Variants in MGST2 observed in about 807,000 individuals in gnomAD.
MGST2 encodes the protein glutathione peroxidase MGST2.
Under a neutral mutation model 16.6 loss-of-function variants are expected in MGST2, and 9 were observed. The observed-to-expected ratio is 0.54, with a 90% confidence interval of 0.33 to 0.95. MGST2 has a LOEUF of 0.95. Ranked by LOEUF, MGST2 falls within the 40% of genes least tolerant of loss-of-function variation. The pLI is 0.03. For missense variants in MGST2, 159 were observed against 175.1 expected, an observed-to-expected ratio of 0.91 and a Z score of 0.52; for synonymous variants, 79 against 68.0, an observed-to-expected ratio of 1.16 and a Z score of -0.79.
intron 2 of MGST2, among the ~76,000 whole-genome samples, chr4:139,683,381 T>A (rs1339635882): frequency 6.6e-6 from 1 of 152,168 alleles, no homozygotes; most frequent in Non-Finnish European, 1.5e-5. Flanking sequence ...GGCCTTGCGA[T>A]GATCTGAGAT....
intron 5 of MGST2, chr4:139,719,351 T>C (rs1579354216): frequency 6.2e-7 from 1 of 1,602,614 alleles, no homozygotes; most frequent in East Asian, 2.2e-5. Context: ...TTCATCAAGC[T>C]CCTGCATCCA....
chr4:139,725,711 A>G lies in MGST2; in HGVS notation c.*49-14501A>G, dbSNP rs748296908. 1.9e-6 allele frequency: 3 copies of G among 1,585,152 alleles called. No individual in the cohort carries two copies. In the African/African-American group the frequency reaches 4.0e-5, roughly 21 times the overall value. ...GCTACACATTCACTTACGCTTCACCACTGGAAGGTATAAAATGAGAGAGGT... is the reference window on the plus strand; with the variant it reads ...GCTACACATTCACTTACGCTTCACCGCTGGAAGGTATAAAATGAGAGAGGT... On this transcript the variant is annotated intron_variant, in intron 5 of 5. Coordinates refer to the MGST2 transcript ENST00000616265.
At chr4:139,729,329 C>T (rs1361853252) in intron 5 of MGST2, among the ~76,000 whole-genome samples, 2 of 152,082 alleles carry the variant, frequency 1.3e-5, no homozygotes, top group African/African-American at 4.8e-5. Flanking sequence ...AGTAAATTTG[C>T]AAAATTCTGG....
chr4:139,679,819 A>C (rs934815665), intron 2 of MGST2, among the ~76,000 whole-genome samples: 3 of 152,200 alleles, frequency 2.0e-5, no homozygotes, highest in Admixed American at 2.0e-4. Context: ...TCTCATTTCA[A>C]TTATCTTTGA....
At position 139,729,223 on chromosome 4, in the gene MGST2, T is replaced by TG. The variant is rs1728603111; in HGVS notation, c.*49-10984dup. On this transcript the variant is annotated intron_variant, in intron 5 of 5. Coordinates refer to the MGST2 transcript ENST00000616265. ...TGCTCAGCAGTACAATTTTTCTCTT[T>TG]GGGGGATGCCTGGTGTTACTTTGAA... is the stretch of plus-strand genomic sequence containing the variant. 3.3e-5 allele frequency among the ~76,000 whole-genome samples: 5 copies of TG among 149,356 alleles called. No individual in the cohort carries two copies. In the South Asian group the frequency reaches 1.1e-3, roughly 32 times the overall value.
Position 139,704,014 on chromosome 4 carries a change from A to G in MGST2, c.312-2A>G, listed in dbSNP as rs1727414659. ...CTTTTCTCCCTCATGTCCACTCTGC[A>G]GGATCACCGGTTTCCGACTGAGTCT... On this transcript the variant is annotated splice_acceptor_variant, in intron 4 of 4. Coordinates refer to ENST00000265498, the MANE Select transcript of MGST2 (RefSeq NM_002413.5). LOFTEE classifies it high-confidence loss of function. The G allele has an allele frequency of 1.9e-6, 3 of 1,614,114 alleles. No homozygotes were observed. Among genetic ancestry groups the G allele is most frequent in the Non-Finnish European group, 2.5e-6 (3 of 1,180,024 alleles).
At chr4:139,685,921 C>T (rs558476128) in intron 2 of MGST2, among the ~76,000 whole-genome samples, 14 of 152,322 alleles carry the variant, frequency 9.2e-5, no homozygotes, top group African/African-American at 3.4e-4. Flanking sequence ...TCCTTGGCCT[C>T]CCAAAGTGCT....
rs1048365287 is a variant in MGST2 at position 139,686,654 on chromosome 4, C to T, written c.158+8012C>T. ...CATTGGATTTATTTTTATACTTAAC[C>T]TTTATTTAGAAAGCTACACTCTTTC... On this transcript the variant is annotated intron_variant, in intron 2 of 4. Transcript: ENST00000265498. 2.0e-5 allele frequency among the ~76,000 whole-genome samples: 3 copies of T among 151,936 alleles called. No homozygotes were observed. In the East Asian group the frequency reaches 5.8e-4, roughly 29 times the overall value.
chr4:139,717,668 A>T (rs373873020), intron 5 of MGST2: 1 of 152,372 alleles, frequency 6.6e-6, no homozygotes, highest in Non-Finnish European at 1.5e-5. Context: ...CTCAGGACTG[A>T]GTGTGGCCAG....
At chr4:139,693,421 AAAAG>A (rs1726733730) in intron 2 of MGST2, among the ~76,000 whole-genome samples, 1 of 151,966 alleles carries the variant, frequency 6.6e-6, no homozygotes, top group Non-Finnish European at 1.5e-5. Flanking sequence ...AAAAAAAAAA[AAAAG>A]AAATTTTCAG....
intron 5 of MGST2, among the ~76,000 whole-genome samples, chr4:139,721,060 A>G (rs1728212702): frequency 6.6e-6 from 1 of 152,250 alleles, no homozygotes; most frequent in African/African-American, 2.4e-5. Flanking sequence ...TGAGCTAGAA[A>G]AAGAAATCAT....
chr4:139,666,006 G>T lies in MGST2; in HGVS notation c.-14G>T, dbSNP rs773629733. On this transcript the variant is annotated 5_prime_UTR_variant, in exon 1 of 5. Transcript: ENST00000265498. Reference sequence around the variant, plus strand: ...TATCTTCCCGTGCGCTCTACAAATAGTTCCGTGAGAAAGATGGCCGGGAAC... The same window carrying T: ...TATCTTCCCGTGCGCTCTACAAATATTTCCGTGAGAAAGATGGCCGGGAAC... 1 of 1,614,036 alleles carries T rather than the reference G, an allele frequency of 6.2e-7. No homozygotes were observed.
rs1025611859 is a variant in MGST2, at chr4:139,715,637, AG to A, written c.*48+11445del. Among the ~76,000 whole-genome samples the A allele has an allele frequency of 6.6e-6, 1 of 152,188 alleles. No homozygotes were observed. Among genetic ancestry groups the A allele is most frequent in the Non-Finnish European group, 1.5e-5 (1 of 68,028 alleles). ...TTATCTCTTGATGATATGCTAAACA[AG>A]GGGTGCATTATTCATGCCTCCCCTT... is the stretch of plus-strand genomic sequence containing the variant. On this transcript the variant is annotated intron_variant, in intron 5 of 5. Transcript: ENST00000616265. This position sits in a 1 kb window ranked among gnomAD's most constrained non-coding sequence, Gnocchi z 4.4.
the MGST2 span, among the ~76,000 whole-genome samples, chr4:139,749,410 T>C: frequency 6.6e-6 from 1 of 152,228 alleles, no homozygotes; most frequent in South Asian, 2.1e-4. Context: ...TAATCTGCTT[T>C]CTTGCAGATC....
chr4:139,686,869 C>T (rs904732487), intron 2 of MGST2, among the ~76,000 whole-genome samples: 10 of 152,184 alleles, frequency 6.6e-5, no homozygotes, highest in Admixed American at 4.6e-4. Context: ...CTTTGTCTTT[C>T]ATGATCTGAA....
At chr4:139,730,465 T>C (rs1329873397) in intron 5 of MGST2, 1 of 1,552,412 alleles carries the variant, frequency 6.4e-7, no homozygotes, top group East Asian at 2.4e-5. Flanking sequence ...CTGCCTTTGC[T>C]CCCGCAGGAA....
At chr4:139,709,071 ATTTTT>A (rs377191495), downstream of MGST2, among the ~76,000 whole-genome samples, 5 of 82,024 alleles carry the variant, frequency 6.1e-5, no homozygotes, top group African/African-American at 9.3e-5. Flanking sequence ...AATGGAAAAA[ATTTTT>A]TTTTTTTTTT....
chr4:139,734,407 C>T (rs1298920456), intron 5 of MGST2, among the ~76,000 whole-genome samples: 3 of 152,214 alleles, frequency 2.0e-5, no homozygotes, highest in Admixed American at 6.5e-5. Context: ...CCTTGCCCAA[C>T]GACCTCCCTT....
intron 1 of MGST2, among the ~76,000 whole-genome samples, chr4:139,678,214 A>G (rs1436808576): frequency 6.6e-6 from 1 of 152,236 alleles, no homozygotes; most frequent in Non-Finnish European, 1.5e-5. Flanking sequence ...TTTGGCCCCT[A>G]CAGTATGGAC....
Sources: allele counts gnomAD v4.1 joint callset (sites outside exome capture counted in the v4.1 genomes callset), GRCh38; gene constraint gnomAD v4.1.1; non-coding constraint Gnocchi (gnomAD v3.1); transcripts MANE v1.5; gene names NCBI Gene and HGNC (gene_info 2026-07-23, HGNC 2026-07-21).